Variants in CDKAL1 observed in about 807,000 individuals in gnomAD.
The protein encoded by CDKAL1 is CDKAL1 threonylcarbamoyladenosine tRNA methylthiotransferase.
In CDKAL1, 32 loss-of-function variants were observed where a neutral mutation model predicts 68.2. The ratio of observed to expected loss-of-function variants is 0.47; its 90% CI spans 0.35 to 0.63. The LOEUF (loss-of-function observed/expected upper bound fraction) is 0.63, where lower values mean the gene tolerates loss of function less well. Among genes scored for constraint, CDKAL1 ranks in the 30% least tolerant of loss-of-function variants. The pLI is 0.00. For missense variants in CDKAL1, 606 were observed against 696.7 expected, an observed-to-expected ratio of 0.87 and a Z score of 1.47; for synonymous variants, 234 against 244.3, an observed-to-expected ratio of 0.96 and a Z score of 0.39.
chr6:21,168,116 G>C (rs993582759), intron 13 of CDKAL1, among the ~76,000 whole-genome samples: 3 of 152,194 alleles, frequency 2.0e-5, no homozygotes, highest in African/African-American at 7.2e-5. Flanking sequence ...CCGGTGGCTT[G>C]AGCATAAAAG....
At chr6:21,000,445 T>C (rs752771663) in intron 11 of CDKAL1, 73 bp downstream of exon 11, 94 of 1,321,740 alleles carry the variant, frequency 7.1e-5, no homozygotes, top group Non-Finnish European at 8.7e-5. Flanking sequence ...AATGCACTTA[T>C]TGCAGCCTTA....
intron 6 of CDKAL1, among the ~76,000 whole-genome samples, chr6:20,744,080 A>G (rs1773567592): frequency 2.0e-5 from 3 of 152,142 alleles, no homozygotes; most frequent in African/African-American, 7.2e-5. Context: ...TTTAACAAAT[A>G]GTTATAGTTA....
intron 9 of CDKAL1, among the ~76,000 whole-genome samples, chr6:20,851,394 A>T (rs185145436): frequency 6.6e-6 from 1 of 152,206 alleles, no homozygotes; most frequent in Admixed American, 6.5e-5. Flanking sequence ...CTAATCAATC[A>T]GTTTCAGTTG....
chr6:21,003,371 T>TATATACACACACACACACACACACAC, intron 11 of CDKAL1, among the ~76,000 whole-genome samples: 7 of 49,288 alleles, frequency 1.4e-4, no homozygotes, highest in Admixed American at 5.7e-4. Context: ...TATATATATA[T>TATATACACACACACACACACACACAC]ACACACACAC....
In CDKAL1 at chr6:20,591,271, A is replaced by G. The variant is rs186652500; in HGVS notation, c.286+42566A>G. Among the ~76,000 whole-genome samples, 147 of 152,290 alleles carry G rather than the reference A, an allele frequency of 9.7e-4. 2 individuals are homozygous for G. In the East Asian group the frequency reaches 0.015, roughly 16 times the overall value. On this transcript the variant is annotated intron_variant, in intron 4 of 15. Coordinates refer to ENST00000274695, the MANE Select transcript of CDKAL1 (RefSeq NM_017774.3). Reference sequence around the variant, plus strand: ...GATATTAGCCCTTTGTTAAATGGATAGATTGCAAAAATTTTCTCCCATTCT... The same window carrying G: ...GATATTAGCCCTTTGTTAAATGGATGGATTGCAAAAATTTTCTCCCATTCT...
Position 21,171,731 on chromosome 6 carries a change from T to C in CDKAL1, c.1300-26290T>C, listed in dbSNP as rs375344789. On this transcript the variant is annotated intron_variant, in intron 13 of 15. Coordinates refer to ENST00000274695, the MANE Select transcript of CDKAL1 (RefSeq NM_017774.3). ...TATAGATGTATTCTTAGAAGCACAA[T>C]TAATAGGTTAAAGGATACAGGTACT... 3.3e-5 allele frequency among the ~76,000 whole-genome samples: 5 copies of C among 152,268 alleles called. No individual in the cohort carries two copies. The East Asian group carries it at 9.6e-4, about 29-fold the overall frequency.
At chr6:20,906,517 C>T (rs571558865) in intron 9 of CDKAL1, among the ~76,000 whole-genome samples, 21 of 152,098 alleles carry the variant, frequency 1.4e-4, no homozygotes, top group Admixed American at 3.9e-4. Context: ...AAAATATCTA[C>T]GCTGAAAATG....
chr6:20,550,594 A>G (rs1011299716), intron 4 of CDKAL1, among the ~76,000 whole-genome samples: 2 of 152,040 alleles, frequency 1.3e-5, no homozygotes, highest in African/African-American at 4.8e-5. Context: ...GGCAGTCAAT[A>G]TGCTTGCTCG....
chr6:20,602,010 T>A (rs758984476), intron 4 of CDKAL1, among the ~76,000 whole-genome samples: 22 of 152,208 alleles, frequency 1.4e-4, no homozygotes, highest in Admixed American at 5.2e-4. Flanking sequence ...TGCTGACAGT[T>A]AATAATAGTA....
chr6:20,709,731 A>G (rs1192919319), intron 5 of CDKAL1, among the ~76,000 whole-genome samples: 1 of 152,058 alleles, frequency 6.6e-6, no homozygotes, highest in Admixed American at 6.5e-5. Flanking sequence ...GGGTCTTTTT[A>G]TATTTTTCTT....
chr6:20,983,206 C>A (rs1266004761), intron 10 of CDKAL1, among the ~76,000 whole-genome samples: 1 of 152,086 alleles, frequency 6.6e-6, no homozygotes, highest in Non-Finnish European at 1.5e-5. Flanking sequence ...TACTTAAAAT[C>A]CATATTGATC....
chr6:20,986,170 A>T (rs1408027581), intron 10 of CDKAL1, among the ~76,000 whole-genome samples: 4 of 152,156 alleles, frequency 2.6e-5, no homozygotes, highest in African/African-American at 7.2e-5. Flanking sequence ...ACCCTGCTTA[A>T]AAGAAAGGTT....
At chr6:20,914,428 T>A (rs550868826) in intron 9 of CDKAL1, among the ~76,000 whole-genome samples, 1 of 151,330 alleles carries the variant, frequency 6.6e-6, no homozygotes, top group Non-Finnish European at 1.5e-5. Context: ...AGTTTTATGG[T>A]TTTTTTTTCA....
chr6:21,062,450 A>G (rs1771193631), intron 11 of CDKAL1, among the ~76,000 whole-genome samples: 1 of 152,214 alleles, frequency 6.6e-6, no homozygotes, highest in African/African-American at 2.4e-5. Context: ...GTAAAATCAT[A>G]TGATATTTGT....
chr6:20,938,814 T>C (rs1763845068), intron 9 of CDKAL1, among the ~76,000 whole-genome samples: 1 of 152,180 alleles, frequency 6.6e-6, no homozygotes, highest in African/African-American at 2.4e-5. Flanking sequence ...TTGTGTACTT[T>C]CTACTCCAAT....
intron 13 of CDKAL1, among the ~76,000 whole-genome samples, chr6:21,158,127 A>G (rs1004537184): frequency 6.6e-6 from 1 of 152,198 alleles, no homozygotes; most frequent in African/African-American, 2.4e-5. Flanking sequence ...ATATATGAAT[A>G]TGGTATATAC....
At chr6:20,760,310 G>A (rs1001938398) in intron 7 of CDKAL1, among the ~76,000 whole-genome samples, 23 of 152,004 alleles carry the variant, frequency 1.5e-4, no homozygotes, top group Non-Finnish European at 3.1e-4. Context: ...CCAAAATAAA[G>A]TGAAATATCA....
At chr6:21,208,295 A>C (rs1490010624) in intron 15 of CDKAL1, among the ~76,000 whole-genome samples, 1 of 152,180 alleles carries the variant, frequency 6.6e-6, no homozygotes, top group Non-Finnish European at 1.5e-5. Flanking sequence ...ACTGAGTTTT[A>C]TGTACAAACT....
chr6:20,697,517 G>T (rs918552970), intron 5 of CDKAL1, among the ~76,000 whole-genome samples: 4 of 152,132 alleles, frequency 2.6e-5, no homozygotes, highest in African/African-American at 9.7e-5. Context: ...TGGTGGACTT[G>T]ATTTTTTCAG....
Sources: gnomAD v4.1 joint callset for allele counts (sites outside exome capture counted in the v4.1 genomes callset) on GRCh38, gnomAD v4.1.1 for gene constraint, MANE v1.5 for transcripts, NCBI Gene and HGNC (gene_info 2026-07-23, HGNC 2026-07-21) for gene names.